Variants in MGMT observed in about 807,000 individuals in gnomAD.
The protein encoded by MGMT is O-6-methylguanine-DNA methyltransferase, also known as methylated-DNA--protein-cysteine methyltransferase.
A neutral mutation model predicts 15.9 loss-of-function variants in MGMT; 14 were observed. That is an observed-to-expected ratio of 0.88 (90% confidence interval 0.58 to 1.37). The LOEUF (loss-of-function observed/expected upper bound fraction) is 1.37, where lower values mean the gene tolerates loss of function less well. Among genes scored for constraint, MGMT ranks in the 40% most tolerant of loss-of-function variants. The pLI is 0.00. For synonymous variants in MGMT, 130 were observed against 118.2 expected (o/e 1.10, Z -0.65); for missense variants, 282 against 268.1 (o/e 1.05, Z -0.36).
At chr10:129,727,662 C>T (rs1272920928) in intron 3 of MGMT, among the ~76,000 whole-genome samples, 3 of 152,188 alleles carry the variant, frequency 2.0e-5, no homozygotes, top group Non-Finnish European at 2.9e-5. Flanking sequence ...GCCCTCTGTT[C>T]CTTCCAGCTG....
chr10:129,520,696 A>ACCCCTACGGTGAGGGTGCAGAC (rs1235608329), intron 1 of MGMT, among the ~76,000 whole-genome samples: 1 of 135,818 alleles, frequency 7.4e-6, no homozygotes, highest in South Asian at 2.4e-4. Context: ...CGGGTACAGA[A>ACCCCTACGGTGAGGGTGCAGAC]CCCCTACGGT....
At chr10:129,736,498 G>T (rs1041835242) in intron 3 of MGMT, among the ~76,000 whole-genome samples, 3 of 146,680 alleles carry the variant, frequency 2.0e-5, no homozygotes, top group East Asian at 2.1e-4. Context: ...ACACTGATGG[G>T]TCTTGACTCT....
intron 3 of MGMT, among the ~76,000 whole-genome samples, chr10:129,727,423 A>C (rs1204001965): frequency 6.6e-6 from 1 of 152,220 alleles, no homozygotes; most frequent in African/African-American, 2.4e-5. Flanking sequence ...GCAGCTATGC[A>C]GAAGACCCCA....
chr10:129,650,462 A>G (rs1847443914), intron 2 of MGMT, among the ~76,000 whole-genome samples: 1 of 152,156 alleles, frequency 6.6e-6, no homozygotes, highest in Non-Finnish European at 1.5e-5. Context: ...TGGTGGAGTG[A>G]AGGTCCTACC....
intron 1 of MGMT, among the ~76,000 whole-genome samples, chr10:129,517,465 A>G (rs2119712943): frequency 6.6e-6 from 1 of 152,280 alleles, no homozygotes; most frequent in East Asian, 1.9e-4. Context: ...CTTGGGGCTC[A>G]TTTGATGGCT....
At chr10:129,646,122 A>G (rs142069194) in intron 2 of MGMT, among the ~76,000 whole-genome samples, 21 of 152,296 alleles carry the variant, frequency 1.4e-4, no homozygotes, top group African/African-American at 4.8e-4. Flanking sequence ...GCGTTTGACT[A>G]ATGTTGGCAA....
At chr10:129,516,123 ATTGT>A (rs1171227858) in intron 1 of MGMT, among the ~76,000 whole-genome samples, 4 of 152,056 alleles carry the variant, frequency 2.6e-5, no homozygotes, top group African/African-American at 9.7e-5. Flanking sequence ...TAAATATTTT[ATTGT>A]AAGTTCGTCT....
intron 2 of MGMT, among the ~76,000 whole-genome samples, chr10:129,693,065 A>G (rs1847987613): frequency 6.6e-6 from 1 of 152,224 alleles, no homozygotes; most frequent in African/African-American, 2.4e-5. Context: ...ATGGTAGAAA[A>G]TGGAATTGCC....
chr10:129,570,316 A>G (rs1195583697), intron 2 of MGMT, among the ~76,000 whole-genome samples: 1 of 152,260 alleles, frequency 6.6e-6, no homozygotes, highest in Non-Finnish European at 1.5e-5. Context: ...GCAAGTCAGC[A>G]GCACCCGGGT....
intron 2 of MGMT, among the ~76,000 whole-genome samples, 167 bp from the exon 3 acceptor site, chr10:129,707,728 C>T (rs898845816): frequency 8.5e-5 from 13 of 152,134 alleles, no homozygotes; most frequent in African/African-American, 2.7e-4. Context: ...GGCCTCGGTG[C>T]GTCCTTGCCT....
intron 2 of MGMT, among the ~76,000 whole-genome samples, chr10:129,537,842 T>A (rs1357522160): frequency 6.6e-6 from 1 of 152,190 alleles, no homozygotes; most frequent in Non-Finnish European, 1.5e-5. Context: ...CCATGGGAGC[T>A]GGGGCTGGTG....
Position 129,569,099 on chromosome 10 carries a change from C to T in MGMT, c.125+32722C>T, listed in dbSNP as rs758107091. 3.9e-5 allele frequency among the ~76,000 whole-genome samples: 6 copies of T among 152,328 alleles called. No homozygotes were observed. The East Asian group carries it at 9.7e-4, about 25-fold the overall frequency. ...GCGTCAGACAGCTGGGCCCACACTC[C>T]GGCTCGGCCACTTACGGGCTCTGGC... is the stretch of plus-strand genomic sequence containing the variant. On this transcript the variant is annotated intron_variant, in intron 2 of 4. Coordinates refer to ENST00000651593, the MANE Select transcript of MGMT (RefSeq NM_002412.5).
chr10:129,537,338 G>A (rs529424599), intron 2 of MGMT, among the ~76,000 whole-genome samples: 4 of 152,214 alleles, frequency 2.6e-5, no homozygotes, highest in Admixed American at 1.3e-4. Flanking sequence ...CTCCGCTGTC[G>A]AGATTTTTCC....
chr10:129,648,019 A>G (rs1316536203), intron 2 of MGMT, among the ~76,000 whole-genome samples: 1 of 152,216 alleles, frequency 6.6e-6, no homozygotes, highest in Non-Finnish European at 1.5e-5. Context: ...TTCAGCTCAC[A>G]GAGCAGTTTA....
chr10:129,528,164 A>G (rs1845891052), intron 1 of MGMT, among the ~76,000 whole-genome samples: 1 of 152,194 alleles, frequency 6.6e-6, no homozygotes, highest in Non-Finnish European at 1.5e-5. Flanking sequence ...GGTGCCAGGC[A>G]CTGTTATTCT....
rs556816544 is a variant in MGMT at position 129,607,955 on chromosome 10, A to T, written c.125+71578A>T. Among the ~76,000 whole-genome samples, 8 of 152,070 alleles carry T rather than the reference A, an allele frequency of 5.3e-5. No homozygotes were observed. The South Asian group carries it at 1.7e-3, about 32-fold the overall frequency. ...TCACATGCGAGGTTGCCAAATCATG[A>T]CTCCCTCAACCTGTCGGGCTCAAAT... On this transcript the variant is annotated intron_variant, in intron 2 of 4. Coordinates refer to ENST00000651593, the MANE Select transcript of MGMT (RefSeq NM_002412.5).
At chr10:129,705,636 A>T (rs200390306) in intron 2 of MGMT, among the ~76,000 whole-genome samples, 1 of 152,254 alleles carries the variant, frequency 6.6e-6, no homozygotes, top group East Asian at 1.9e-4. Context: ...TCCAGAGATC[A>T]TCTGAGCTCT....
intron 2 of MGMT, chr10:129,536,977 T>C (rs558458328): frequency 2.6e-5 from 4 of 152,348 alleles, no homozygotes; most frequent in Non-Finnish European, 4.4e-5. Context: ...TCTTGTCATT[T>C]CTAAGAGCGT....
intron 2 of MGMT, among the ~76,000 whole-genome samples, chr10:129,614,240 G>A (rs895211010): frequency 6.6e-6 from 1 of 152,196 alleles, no homozygotes; most frequent in African/African-American, 2.4e-5. Flanking sequence ...CCGTGTTGTA[G>A]CACGTGTCAA....
Sources: allele counts gnomAD v4.1 joint callset (sites outside exome capture counted in the v4.1 genomes callset), GRCh38; gene constraint gnomAD v4.1.1; transcripts MANE v1.5; gene names NCBI Gene and HGNC (gene_info 2026-07-23, HGNC 2026-07-21).